MRC1: variants seen among roughly 807,000 people sequenced by gnomAD.
The protein encoded by MRC1 is mannose receptor C-type 1, also known as macrophage mannose receptor 1.
Under a neutral mutation model 102.9 loss-of-function variants are expected in MRC1, and 62 were observed. The ratio of observed to expected loss-of-function variants is 0.60; its 90% CI spans 0.49 to 0.74. MRC1 has a LOEUF of 0.74. Among genes scored for constraint, MRC1 ranks in the 30% least tolerant of loss-of-function variants. MRC1 has a pLI of 0.00. For synonymous variants in MRC1, 457 were observed against 298.4 expected (o/e 1.53, Z -5.48); for missense variants, 1,237 against 862.8 (o/e 1.43, Z -5.43).
intron 5 of MRC1, among the ~76,000 whole-genome samples, chr10:17,844,635 A>T (rs1184388673): frequency 1.3e-5 from 2 of 152,224 alleles, no homozygotes; most frequent in African/African-American, 2.4e-5. Flanking sequence ...GGTAAATTGC[A>T]TGTTGCTGAG....
chr10:17,814,762 C>A (rs943107938), intron 1 of MRC1, among the ~76,000 whole-genome samples: 2 of 149,994 alleles, frequency 1.3e-5, no homozygotes, highest in Non-Finnish European at 3.0e-5. Flanking sequence ...CTCGGCTCAC[C>A]GCAACCTCTG....
At chr10:17,811,950 C>A (rs1432780571) in intron 1 of MRC1, among the ~76,000 whole-genome samples, 1 of 152,074 alleles carries the variant, frequency 6.6e-6, no homozygotes, top group Non-Finnish European at 1.5e-5. Flanking sequence ...TGTGTAAAGG[C>A]AGGGCACCTG....
intron 1 of MRC1, among the ~76,000 whole-genome samples, chr10:17,822,612 C>A (rs1838412959): frequency 1.3e-5 from 2 of 152,330 alleles, no homozygotes; most frequent in African/African-American, 4.8e-5. Flanking sequence ...CAGAGTGAGA[C>A]CTTGTCCTTT....
intron 22 of MRC1, among the ~76,000 whole-genome samples, chr10:17,889,567 A>G (rs1463918735): frequency 2.0e-5 from 3 of 152,194 alleles, no homozygotes; most frequent in Non-Finnish European, 2.9e-5. Context: ...CTCTTGGCCT[A>G]AAACAAAAAC....
chr10:17,910,916 CT>C lies in MRC1; in HGVS notation c.*455del, dbSNP rs1444700009. ...GGCATAAAAATGTAGTCAGTTTTCT[CT>C]TTTACCAGTTTTTATTTCCACTCCA... On this transcript the variant is annotated 3_prime_UTR_variant, in exon 30 of 30. Transcript: ENST00000569591. 1 of 180,274 alleles carries C rather than the reference CT, an allele frequency of 5.5e-6. No individual in the cohort carries two copies. Among genetic ancestry groups the C allele is most frequent in the Non-Finnish European group, 1.2e-5 (1 of 84,028 alleles). The allele number at this position is 180,274 out of a possible 1,614,324, so 11.2% of individuals were successfully genotyped here.
intron 18 of MRC1, 47 bp downstream of exon 18, chr10:17,878,014 AC>A (rs1327211410): frequency 3.5e-6 from 3 of 863,060 alleles, no homozygotes; most frequent in Non-Finnish European, 4.0e-6. Context: ...TAGTGTTCTG[AC>A]CAATACCTAT....
At position 17,877,892 on chromosome 10, in the gene MRC1, T is replaced by C. The variant is rs1375837494; in HGVS notation, c.2551-8T>C. ...AAATTAAACTATACGTAAACTTCCA[T>C]GTTTCAGGTAAACAGAAATGATGCA... is the stretch of plus-strand genomic sequence containing the variant. On this transcript the variant is annotated splice_region_variant and splice_polypyrimidine_tract_variant and intron_variant, in intron 17 of 29. Transcript: ENST00000569591. 1.1e-6 allele frequency: 1 copy of C among 872,092 alleles called. No individual in the cohort carries two copies. The highest frequency in any genetic ancestry group is 1.6e-5 in the African/African-American group (1 of 61,312). The allele number at this position is 872,092 out of a possible 1,614,324, so 54.0% of individuals were successfully genotyped here. A position where few individuals can be genotyped will look rare whatever the true frequency, so the allele number is the denominator to read the frequency against.
intron 1 of MRC1, among the ~76,000 whole-genome samples, chr10:17,818,902 TGGAGAGTTTGA>T (rs1265757275): frequency 1.3e-5 from 2 of 152,162 alleles, no homozygotes; most frequent in Admixed American, 6.5e-5. Flanking sequence ...GAAGTGAGCC[TGGAGAGTTTGA>T]GGAGCTGAAA....
rs956337266 is a variant in MRC1, at chr10:17,881,069, T to C, written c.2868T>C (p.Cys956=). 3 of 780,594 alleles carry C rather than the reference T, an allele frequency of 3.8e-6. No individual in the cohort carries two copies. Among genetic ancestry groups the C allele is most frequent in the African/African-American group, 1.7e-5 (1 of 59,126 alleles). The allele number at this position is 780,594 out of a possible 1,614,324, so 48.4% of individuals were successfully genotyped here. Reference sequence around the variant, plus strand: ...TCTCTGCCCCTCTTCCATCCCAGTGTTTCAAAATCTTTGGATTTATGGAAG... The same window carrying C: ...TCTCTGCCCCTCTTCCATCCCAGTGCTTCAAAATCTTTGGATTTATGGAAG... ...KEGWNFYSNK[C]FKIFGFMEEE... The change falls in exon 21 of 30, where the codon TGT becomes TGC. Residue 956 remains cysteine (C), a splice_region_variant and synonymous_variant. Transcript: ENST00000569591.
At chr10:17,830,232 A>G (rs935815347) in intron 3 of MRC1, among the ~76,000 whole-genome samples, 1 of 151,140 alleles carries the variant, frequency 6.6e-6, no homozygotes, top group Non-Finnish European at 1.5e-5. Flanking sequence ...CCCAGGCTCA[A>G]GTGATTCTCC....
intron 1 of MRC1, among the ~76,000 whole-genome samples, chr10:17,810,951 C>A (rs1374083474): frequency 6.6e-6 from 1 of 152,134 alleles, no homozygotes; most frequent in African/African-American, 2.4e-5. Context: ...CACCACCATG[C>A]CCAGCTGATT....
intron 29 of MRC1, among the ~76,000 whole-genome samples, chr10:17,909,687 T>A (rs1051943908): frequency 4.9e-4 from 75 of 151,972 alleles, no homozygotes; most frequent in African/African-American, 1.8e-3. Context: ...TTTTATAGAC[T>A]ACTTGAATTA....
chr10:17,847,906 G>C (rs1589175944), intron 6 of MRC1, among the ~76,000 whole-genome samples: 1 of 139,796 alleles, frequency 7.2e-6, no homozygotes, highest in African/African-American at 2.7e-5. Context: ...TACTAAGCTT[G>C]CTTTCTTTTT....
At chr10:17,868,055 C>G (rs1479382269) in intron 12 of MRC1, among the ~76,000 whole-genome samples, 2 of 152,172 alleles carry the variant, frequency 1.3e-5, no homozygotes, top group South Asian at 2.1e-4. Context: ...AGCAAACAAA[C>G]AGACAAAAAA....
chr10:17,902,893 T>G (rs1392561290), intron 26 of MRC1, among the ~76,000 whole-genome samples: 1 of 152,218 alleles, frequency 6.6e-6, no homozygotes, highest in African/African-American at 2.4e-5. Flanking sequence ...TTTTGATTCA[T>G]GTACTTTGGG....
At chr10:17,851,675 A>G (rs1229092953) in intron 7 of MRC1, among the ~76,000 whole-genome samples, 1 of 152,182 alleles carries the variant, frequency 6.6e-6, no homozygotes, top group Admixed American at 6.5e-5. Flanking sequence ...TTTGATCTTC[A>G]ATTTAAATCT....
chr10:17,904,289 G>A (rs1833868977), intron 26 of MRC1, among the ~76,000 whole-genome samples: 1 of 152,148 alleles, frequency 6.6e-6, no homozygotes, highest in South Asian at 2.1e-4. Flanking sequence ...TCCACTGGAA[G>A]TATTTTCTTC....
intron 8 of MRC1, among the ~76,000 whole-genome samples, chr10:17,853,572 A>ATATG (rs1833020589): frequency 6.8e-6 from 1 of 146,730 alleles, no homozygotes; most frequent in South Asian, 2.2e-4. Context: ...ATATATATGT[A>ATATG]TGTGTGTGTG....
rs916874207 is a variant in MRC1 at position 17,830,146 on chromosome 10, T to G, written c.637+2431T>G. Among the ~76,000 whole-genome samples the G allele has an allele frequency of 1.0e-3, 156 of 151,446 alleles. 12 individuals are homozygous for G. The highest frequency in any genetic ancestry group is 3.4e-3 in the African/African-American group (140 of 40,730). On this transcript the variant is annotated intron_variant, in intron 3 of 29. Coordinates refer to ENST00000569591, the MANE Select transcript of MRC1 (RefSeq NM_002438.4). ...TTATTGTATTTATTTATTTATTTAT[T>G]TTTGAGACAGGGTCTCACTCTGTCA...
Sources: allele counts gnomAD v4.1 joint callset (sites outside exome capture counted in the v4.1 genomes callset), GRCh38; gene constraint gnomAD v4.1.1; transcripts MANE v1.5; gene names NCBI Gene and HGNC (gene_info 2026-07-23, HGNC 2026-07-21).